The following STYXL2 variants were observed in gnomAD, a reference collection of about 807,000 sequenced individuals.
STYXL2 encodes serine/threonine/tyrosine interacting like 2.
In STYXL2, 44 loss-of-function variants were observed where a neutral mutation model predicts 52.4. That is an observed-to-expected ratio of 0.84 (90% CI 0.66 to 1.08). STYXL2 has a LOEUF of 1.08. Among genes scored for constraint, STYXL2 ranks in the 50% least tolerant of loss-of-function variants. The pLI is 0.00. For missense variants in STYXL2, 1,604 were observed against 1,471.7 expected (o/e 1.09, Z -1.47); for synonymous variants, 604 against 586.9 (o/e 1.03, Z -0.42).
At chr1:167,123,561 A>AG (rs1398741575) in intron 5 of STYXL2, among the ~76,000 whole-genome samples, 1 of 152,232 alleles carries the variant, frequency 6.6e-6, no homozygotes, top group South Asian at 2.1e-4. Flanking sequence ...GCCCTGACTG[A>AG]GGACGAGAGG....
At position 167,127,459 on chromosome 1, in the gene STYXL2, C is replaced by T. The variant is rs779501819; in HGVS notation, c.2328C>T (p.Ser776=). ...TCTCCATGCTTAGTGGACACAGCAG[C>T]TCCTCCTTGGGTGGCTGCCTGTTGC... ...DQVSMLSGHS[S]SSLGGCLLPQ... The change falls in exon 6 of 6, where the codon AGC becomes AGT. Residue 776 remains serine (S), a synonymous_variant. Coordinates refer to ENST00000361200, the MANE Select transcript of STYXL2 (RefSeq NM_001080426.3). 16 of 1,614,110 alleles carry T rather than the reference C, an allele frequency of 9.9e-6. 1 individual carries two copies. The South Asian group carries it at 1.8e-4, about 18-fold the overall frequency.
chr1:167,127,875 T>C lies in STYXL2; in HGVS notation c.2744T>C (p.Leu915Pro). Residue 915 changes from leucine to proline, a missense_variant, in exon 6 of 6, where the codon CTG becomes CCG. Physicochemically the swap from Leu to Pro is moderately conservative, Grantham distance 98. Transcript: ENST00000361200. ...CCTGAAACAGACACATGCTCCTCCCTGGCTGTCTGTGATCACTATGCAAGT... is the reference window on the plus strand; with the variant it reads ...CCTGAAACAGACACATGCTCCTCCCCGGCTGTCTGTGATCACTATGCAAGT... ...QKPETDTCSS[L>P]AVCDHYASGS... is the part of the protein sequence containing the mutation. 1 of 1,614,068 alleles carries C rather than the reference T, an allele frequency of 6.2e-7. No homozygotes were observed. The highest frequency in any genetic ancestry group is 2.2e-5 in the East Asian group (1 of 44,872).
intron 2 of STYXL2, among the ~76,000 whole-genome samples, chr1:167,095,713 A>C (rs1667271486): frequency 6.6e-6 from 1 of 152,132 alleles, no homozygotes; most frequent in Admixed American, 6.5e-5. Context: ...ATAACAGGAG[A>C]CCTGACTTTT....
intron 2 of STYXL2, among the ~76,000 whole-genome samples, chr1:167,112,267 C>T (rs1246131442): frequency 1.3e-5 from 2 of 152,138 alleles, no homozygotes; most frequent in African/African-American, 4.8e-5. Context: ...GCAGGTCTGG[C>T]CATGTCCTGG....
intron 3 of STYXL2, among the ~76,000 whole-genome samples, chr1:167,114,536 A>G (rs1274261128): frequency 2.0e-5 from 3 of 152,012 alleles, no homozygotes; most frequent in Non-Finnish European, 2.9e-5. Context: ...GGTGGCCACA[A>G]TCCTTTCCTT....
At chr1:167,100,909 T>G (rs1055802245) in intron 2 of STYXL2, among the ~76,000 whole-genome samples, 1 of 152,220 alleles carries the variant, frequency 6.6e-6, no homozygotes, top group African/African-American at 2.4e-5. Context: ...AAATCTGAAC[T>G]CTAAACTATT....
Position 167,126,330 on chromosome 1 carries a change from A to C in STYXL2, c.1199A>C (p.Asn400Thr). Reference sequence around the variant, plus strand: ...ATCATCCAGGAGTGGCAGAGCCGAAACGAGAGGTACCAAGCAGAAGGGTAC... The same window carrying C: ...ATCATCCAGGAGTGGCAGAGCCGAACCGAGAGGTACCAAGCAGAAGGGTAC... ...ERIIQEWQSR[N>T]ERYQAEGYRR... The change falls in exon 6 of 6, where the codon AAC (asparagine) becomes ACC (threonine). Residue 400 changes from asparagine (N) to threonine (T), a missense_variant. Transcript: ENST00000361200. The C allele has an allele frequency of 6.6e-7, 1 of 1,520,886 alleles. No individual in the cohort carries two copies. Among genetic ancestry groups the C allele is most frequent in the South Asian group, 1.3e-5 (1 of 78,756 alleles). 94.2% of individuals were successfully genotyped at this position (1,520,886 alleles called of 1,614,324 possible). A position where few individuals can be genotyped will look rare whatever the true frequency, so the allele number is the denominator to read the frequency against.
intron 3 of STYXL2, 60 bp from the exon 4 acceptor site, chr1:167,117,268 G>C: frequency 6.9e-7 from 1 of 1,443,892 alleles, no homozygotes; most frequent in Non-Finnish European, 9.5e-7. Context: ...TTCTCCCCAG[G>C]AACAAGGAAG....
chr1:167,116,303 G>A (rs945938048), intron 3 of STYXL2, among the ~76,000 whole-genome samples: 4 of 152,176 alleles, frequency 2.6e-5, no homozygotes, highest in Non-Finnish European at 4.4e-5. Context: ...TGGGGTTTGA[G>A]TTCATCTGGA....
At chr1:167,102,281 CAATAAT>C (rs1667419598) in intron 2 of STYXL2, among the ~76,000 whole-genome samples, 1 of 148,934 alleles carries the variant, frequency 6.7e-6, no homozygotes, top group African/African-American at 2.5e-5. Flanking sequence ...GTTTGTATAT[CAATAAT>C]AAAGCTGTTT....
Position 167,094,903 on chromosome 1 carries a change from C to T in STYXL2, c.54C>T (p.Asp18=), listed in dbSNP as rs774254863. The T allele has an allele frequency of 2.2e-5, 35 of 1,612,874 alleles. No homozygotes were observed. Among genetic ancestry groups the T allele is most frequent in the East Asian group, 1.3e-4 (6 of 44,840 alleles). ...AGCAGGTAGTCCCAAGCGAGGAGGA[C>T]GAAGCCAACGTGAGGGCGGTGCAGG... ...EEEQVVPSEE[D]EANVRAVQAH... The change falls in exon 2 of 6, where the codon GAC becomes GAT. Residue 18 remains aspartate, a synonymous_variant. Transcript: ENST00000361200.
rs1366587519 is a variant in STYXL2, at chr1:167,094,927, G to A, written c.78G>A (p.Gln26=). The A allele has an allele frequency of 3.1e-6, 5 of 1,610,750 alleles. No individual in the cohort carries two copies. In the African/African-American group the frequency reaches 4.0e-5, roughly 13 times the overall value. The change falls in exon 2 of 6, where the codon CAG becomes CAA. Residue 26 remains glutamine, a synonymous_variant. Transcript: ENST00000361200. The part of the protein sequence containing the change: ...EEDEANVRAV[Q]AHYLRSPSPS... ...ACGAAGCCAACGTGAGGGCGGTGCAGGCCCACTACCTCCGAAGCCCCTCCC... is the reference window on the plus strand; with the variant it reads ...ACGAAGCCAACGTGAGGGCGGTGCAAGCCCACTACCTCCGAAGCCCCTCCC...
At chr1:167,120,283 A>C (rs572908778) in intron 5 of STYXL2, among the ~76,000 whole-genome samples, 2 of 152,276 alleles carry the variant, frequency 1.3e-5, no homozygotes, top group Admixed American at 6.5e-5. Flanking sequence ...CTGGCTGGGA[A>C]GAGTTGAGGA....
At chr1:167,102,893 A>G (rs1667431085) in intron 2 of STYXL2, among the ~76,000 whole-genome samples, 1 of 142,672 alleles carries the variant, frequency 7.0e-6, no homozygotes. Flanking sequence ...CCGGACTCTT[A>G]GTCCTTGTAC....
intron 2 of STYXL2, among the ~76,000 whole-genome samples, chr1:167,105,964 C>T (rs187352666): frequency 1.3e-5 from 2 of 152,310 alleles, no homozygotes; most frequent in Admixed American, 1.3e-4. Context: ...CGGGTAGGCT[C>T]TTCACGTATG....
intron 3 of STYXL2, among the ~76,000 whole-genome samples, chr1:167,116,502 G>A (rs1367680509): frequency 6.6e-6 from 1 of 152,046 alleles, no homozygotes; most frequent in Non-Finnish European, 1.5e-5. Flanking sequence ...ATATTAGAAG[G>A]CAATATTGCA....
intron 2 of STYXL2, among the ~76,000 whole-genome samples, chr1:167,103,855 C>A (rs531767245): frequency 6.6e-6 from 1 of 152,308 alleles, no homozygotes; most frequent in East Asian, 1.9e-4. Context: ...GGCGCGGTGG[C>A]TCACGCCTGT....
In STYXL2 at chr1:167,128,460, G is replaced by C; in HGVS notation, c.3329G>C (p.Gly1110Ala). The change falls in exon 6 of 6, where the codon GGG (glycine) becomes GCG (alanine). Residue 1110 changes from glycine to alanine, a missense_variant. Physicochemically the swap from Gly to Ala is moderately conservative, Grantham distance 60. Coordinates refer to ENST00000361200, the MANE Select transcript of STYXL2 (RefSeq NM_001080426.3). ...EKERTENREE[G>A]RFASGRRSQY... ...GAGAGGACAGAAAACAGAGAAGAAG[G>C]GAGGTTTGCATCTGGACGGCGGTCC... 1 of 1,614,036 alleles carries C rather than the reference G, an allele frequency of 6.2e-7. No homozygotes were observed. Among genetic ancestry groups the C allele is most frequent in the Non-Finnish European group, 8.5e-7 (1 of 1,179,984 alleles).
chr1:167,115,863 G>C (rs1295066211), intron 3 of STYXL2, among the ~76,000 whole-genome samples: 1 of 152,176 alleles, frequency 6.6e-6, no homozygotes, highest in Non-Finnish European at 1.5e-5. Flanking sequence ...AGGGGGGTTA[G>C]AGGAGGGAAG....
Sources: allele counts gnomAD v4.1 joint callset (sites outside exome capture counted in the v4.1 genomes callset), GRCh38; gene constraint gnomAD v4.1.1; transcripts MANE v1.5; gene names NCBI Gene and HGNC (gene_info 2026-07-23, HGNC 2026-07-21).